Variants in ZMAT5 observed in about 807,000 individuals in gnomAD.
ZMAT5 encodes zinc finger matrin-type 5, also known as zinc finger matrin-type protein 5.
Under a neutral mutation model 28.0 loss-of-function variants are expected in ZMAT5, and 23 were observed. That is an observed-to-expected ratio of 0.82 (90% CI 0.59 to 1.16). The LOEUF is 1.16. ZMAT5 is among the 50% of genes most tolerant of loss of function. The probability of loss-of-function intolerance (pLI) is 0.00; values close to 1 mark genes in which losing one functional copy is unlikely to be tolerated. For synonymous variants in ZMAT5, 76 were observed against 84.1 expected (o/e 0.90, Z 0.52); for missense variants, 173 against 212.7 (o/e 0.81, Z 1.16).
chr22:29,741,597 T>C (rs1310805422), intron 3 of ZMAT5, among the ~76,000 whole-genome samples: 1 of 152,196 alleles, frequency 6.6e-6, no homozygotes, highest in Non-Finnish European at 1.5e-5. Context: ...TTTTTCCTAC[T>C]CTTATTTGTA....
rs9620921 is a variant in ZMAT5 at position 29,733,834 on chromosome 22, G to A, written c.384-2480C>T. Among the ~76,000 whole-genome samples the A allele has an allele frequency of 4.1e-3, 631 of 152,312 alleles. 8 individuals are homozygous for A. Among genetic ancestry groups the A allele is most frequent in the African/African-American group, 0.015 (613 of 41,566 alleles). ...GTGCCCCTGCCTGCCCTGAGGTCCC[G>A]CCAGTAGACAGGCATACCCAGTGCC... On this transcript the variant is annotated intron_variant, in intron 5 of 5. Transcript: ENST00000344318.
intron 5 of ZMAT5, among the ~76,000 whole-genome samples, chr22:29,736,746 T>C (rs1371005672): frequency 2.3e-5 from 3 of 130,936 alleles, no homozygotes; most frequent in East Asian, 4.5e-4. Flanking sequence ...AAAAAAAGGC[T>C]GGGCGCGGTG....
In ZMAT5 at chr22:29,749,980, G is replaced by A. The variant is rs191862261; in HGVS notation, c.-27-1409C>T. Among the ~76,000 whole-genome samples the A allele has an allele frequency of 6.4e-3, 966 of 152,082 alleles. 18 individuals carry two copies. The highest frequency in any genetic ancestry group is 5.7e-3 in the Non-Finnish European group (388 of 67,990). Reference sequence around the variant, plus strand: ...TTCCTTTGTAAATTACCCAGTCTTGGGTATTTCCTTATAGCAATGTGAGAA... The same window carrying A: ...TTCCTTTGTAAATTACCCAGTCTTGAGTATTTCCTTATAGCAATGTGAGAA... On this transcript the variant is annotated intron_variant, in intron 1 of 5. Transcript: ENST00000344318.
At chr22:29,748,392 C>G in intron 2 of ZMAT5, 26 bp downstream of exon 2, 1 of 1,614,152 alleles carries the variant, frequency 6.2e-7, no homozygotes, top group Admixed American at 1.7e-5. Flanking sequence ...GCTCCAGGAG[C>G]CTGGCCCCCA....
At chr22:29,741,748 C>T (rs2067964751) in intron 3 of ZMAT5, among the ~76,000 whole-genome samples, 1 of 152,120 alleles carries the variant, frequency 6.6e-6, no homozygotes, top group Non-Finnish European at 1.5e-5. Context: ...CTCCTGGGCT[C>T]AAGTGATCCT....
chr22:29,742,541 G>A (rs1164038463), intron 2 of ZMAT5, 61 bp from the exon 3 acceptor site: 2 of 1,549,082 alleles, frequency 1.3e-6, no homozygotes, highest in Non-Finnish European at 1.8e-6. Flanking sequence ...GAGGCAGGAA[G>A]TGGAAGCCAC....
chr22:29,732,027 G>C (rs2067851399), intron 5 of ZMAT5, among the ~76,000 whole-genome samples: 1 of 152,092 alleles, frequency 6.6e-6, no homozygotes, highest in Non-Finnish European at 1.5e-5. Context: ...ACCTCCCCTG[G>C]AACTTGGGGT....
At chr22:29,733,761 G>A (rs542848650) in intron 5 of ZMAT5, among the ~76,000 whole-genome samples, 241 of 152,260 alleles carry the variant, frequency 1.6e-3, no homozygotes, top group African/African-American at 5.6e-3. Context: ...TAGAAAATGG[G>A]GCAGATTCCT....
intron 1 of ZMAT5, among the ~76,000 whole-genome samples, chr22:29,760,155 T>C (rs1315142532): frequency 6.6e-6 from 1 of 151,314 alleles, no homozygotes; most frequent in African/African-American, 2.4e-5. Flanking sequence ...GAGCCGAGAT[T>C]GCACCACTGC....
At chr22:29,755,600 G>A (rs2147233820) in intron 1 of ZMAT5, among the ~76,000 whole-genome samples, 1 of 152,242 alleles carries the variant, frequency 6.6e-6, no homozygotes, top group African/African-American at 2.4e-5. Context: ...GACACTCTGA[G>A]TAGATATCAA....
intron 5 of ZMAT5, among the ~76,000 whole-genome samples, chr22:29,733,095 G>A (rs1470693755): frequency 7.2e-5 from 11 of 152,214 alleles, no homozygotes; most frequent in Non-Finnish European, 1.6e-4. Flanking sequence ...TCAGTCACGT[G>A]ACCAAGTGAC....
intron 3 of ZMAT5, among the ~76,000 whole-genome samples, chr22:29,741,283 G>A (rs1447919968): frequency 6.6e-6 from 1 of 152,206 alleles, no homozygotes; most frequent in African/African-American, 2.4e-5. Flanking sequence ...GAGATACTGG[G>A]AGGCTGGAGG....
At chr22:29,766,055 C>G (rs948900140) in intron 1 of ZMAT5, among the ~76,000 whole-genome samples, 2 of 152,038 alleles carry the variant, frequency 1.3e-5, no homozygotes, top group African/African-American at 2.4e-5. Flanking sequence ...TGGCCAGACG[C>G]GGTGGCTCAC....
At chr22:29,743,613 G>C (rs1341256378) in intron 2 of ZMAT5, among the ~76,000 whole-genome samples, 2 of 151,892 alleles carry the variant, frequency 1.3e-5, no homozygotes, top group African/African-American at 4.8e-5. Context: ...TAATTTTTTT[G>C]TAGAGATGGG....
chr22:29,736,989 G>A (rs2147216778), intron 5 of ZMAT5, among the ~76,000 whole-genome samples: 1 of 147,508 alleles, frequency 6.8e-6, no homozygotes, highest in Non-Finnish European at 1.5e-5. Flanking sequence ...TTGCACCACT[G>A]TACTCCAGCC....
At chr22:29,748,980 G>A (rs2068033998) in intron 1 of ZMAT5, among the ~76,000 whole-genome samples, 1 of 152,062 alleles carries the variant, frequency 6.6e-6, no homozygotes, top group African/African-American at 2.4e-5. Flanking sequence ...CCTGGCTGCT[G>A]TTTGGTAGTT....
chr22:29,732,026 G>A (rs2067851332), intron 5 of ZMAT5, among the ~76,000 whole-genome samples: 1 of 152,172 alleles, frequency 6.6e-6, no homozygotes, highest in African/African-American at 2.4e-5. Context: ...CACCTCCCCT[G>A]GAACTTGGGG....
At chr22:29,738,253 G>T in intron 5 of ZMAT5, 77 bp downstream of exon 5, 2 of 1,360,146 alleles carry the variant, frequency 1.5e-6, no homozygotes, top group South Asian at 1.2e-5. Flanking sequence ...GGAGATTCCT[G>T]AGCCTCAGGA....
rs540516024 is a variant in ZMAT5, at chr22:29,744,435, G to A, written c.128-1955C>T. ...AGGAGTTGGTTGTCAGAGAACTCAT[G>A]CCAGGGGGACCAGCAGGGTGGGGAG... On this transcript the variant is annotated intron_variant, in intron 2 of 5. Transcript: ENST00000344318. Among the ~76,000 whole-genome samples, 5 of 152,048 alleles carry A rather than the reference G, an allele frequency of 3.3e-5. No homozygotes were observed. In the East Asian group the frequency reaches 7.7e-4, roughly 24 times the overall value.
Sources: allele counts gnomAD v4.1 joint callset (sites outside exome capture counted in the v4.1 genomes callset), GRCh38; gene constraint gnomAD v4.1.1; transcripts MANE v1.5; gene names NCBI Gene and HGNC (gene_info 2026-07-23, HGNC 2026-07-21).